Variants in OR9Q1 observed in about 807,000 individuals in gnomAD.
OR9Q1 encodes the protein olfactory receptor 9Q1.
For synonymous variants in OR9Q1, 153 were observed against 148.6 expected (o/e 1.03, Z -0.22); for missense variants, 374 against 378.8 (o/e 0.99, Z 0.11).
intron 2 of OR9Q1, among the ~76,000 whole-genome samples, chr11:58,113,009 G>T (rs558786568): frequency 1.3e-5 from 2 of 152,062 alleles, no homozygotes; most frequent in African/African-American, 2.4e-5. Context: ...AGAGGACCTT[G>T]GTGATGTGGT....
intron 2 of OR9Q1, among the ~76,000 whole-genome samples, chr11:58,141,049 A>G (rs1206087609): frequency 2.0e-5 from 3 of 152,142 alleles, no homozygotes; most frequent in Non-Finnish European, 4.4e-5. Flanking sequence ...CTTTGAAGCA[A>G]TTGTGAATGG....
chr11:58,171,358 C>T (rs1854552950), intron 2 of OR9Q1: 1 of 152,292 alleles, frequency 6.6e-6, no homozygotes, highest in South Asian at 2.1e-4. Context: ...TGGGTGATAG[C>T]TTCCTCCAGC....
intron 1 of OR9Q1, among the ~76,000 whole-genome samples, chr11:58,052,618 G>GAA (rs1491177116): frequency 6.0e-4 from 3 of 5,024 alleles, no homozygotes; most frequent in Non-Finnish European, 1.1e-3. Flanking sequence ...AAGAAAAAAA[G>GAA]GAAAAAAAAA....
chr11:58,037,062 T>A (rs1236924501), intron 1 of OR9Q1, among the ~76,000 whole-genome samples: 1 of 152,142 alleles, frequency 6.6e-6, no homozygotes, highest in African/African-American at 2.4e-5. Context: ...TACAGCAAAC[T>A]TCATTGTTGT....
chr11:58,116,907 A>G (rs986862571), intron 2 of OR9Q1: 3 of 152,272 alleles, frequency 2.0e-5, no homozygotes, highest in Non-Finnish European at 4.4e-5. Context: ...ACTTACAAAT[A>G]CATCCTTTTA....
chr11:58,157,736 T>C (rs1225002983), intron 2 of OR9Q1, among the ~76,000 whole-genome samples: 2 of 152,198 alleles, frequency 1.3e-5, no homozygotes, highest in African/African-American at 4.8e-5. Context: ...TAGAAGCCTC[T>C]ACCAGCAGGT....
intron 1 of OR9Q1, among the ~76,000 whole-genome samples, chr11:58,034,735 T>TTCCCTTCC (rs1853079294): frequency 8.1e-5 from 9 of 111,404 alleles, no homozygotes; most frequent in Non-Finnish European, 1.1e-4. Context: ...GGTTTCTTTC[T>TTCCCTTCC]TTCCTTCCTT....
Position 58,086,532 on chromosome 11 carries a change from G to A in OR9Q1, c.-15+30585G>A, listed in dbSNP as rs561288844. On this transcript the variant is annotated intron_variant, in intron 2 of 2. Coordinates refer to ENST00000335397, the MANE Select transcript of OR9Q1 (RefSeq NM_001005212.4). ...TATATAACCAAAGGAATTGAAATCA[G>A]TATCTTAAAAAAAATCTACCATCCC... Among the ~76,000 whole-genome samples, 96 of 151,606 alleles carry A rather than the reference G, an allele frequency of 6.3e-4. 3 individuals carry two copies. In the South Asian group the frequency reaches 0.019, roughly 30 times the overall value.
rs367662248 is a variant in OR9Q1 at position 58,180,139 on chromosome 11, G to A, written c.695G>A (p.Ser232Asn). The change falls in exon 3 of 3, where the codon AGC becomes AAC. Residue 232 changes from serine to asparagine, a missense_variant. Ser to Asn is a conservative substitution (Grantham distance 46). Transcript: ENST00000335397. ...GCCATCATGGGGATCCCTGCTGGAA[G>A]CCAGGCCAAGACCTTCTCCACCTGC... The part of the protein sequence containing the change: ...IVAIMGIPAG[S>N]QAKTFSTCTS... 78 of 1,613,960 alleles carry A rather than the reference G, an allele frequency of 4.8e-5. 2 individuals are homozygous for A. The East Asian group carries it at 1.1e-3, about 23-fold the overall frequency.
At chr11:58,131,178 A>C (rs1376835000) in intron 2 of OR9Q1, among the ~76,000 whole-genome samples, 1 of 152,152 alleles carries the variant, frequency 6.6e-6, no homozygotes, top group Non-Finnish European at 1.5e-5. Context: ...CCCCTGAGTT[A>C]GGGGATTCAA....
In OR9Q1 at chr11:58,031,805, G is replaced by T. The variant is rs771038385; in HGVS notation, c.-93+7701G>T. 16 of 1,613,982 alleles carry T rather than the reference G, an allele frequency of 9.9e-6. No individual in the cohort carries two copies. In the South Asian group the frequency reaches 1.6e-4, roughly 17 times the overall value. On this transcript the variant is annotated intron_variant, in intron 1 of 2. Coordinates refer to ENST00000335397, the MANE Select transcript of OR9Q1 (RefSeq NM_001005212.4). ...GGTGGTATCTGTCTTCTACTCTGTTGTCACGCCCATGCTCAATCCTCTCAT... is the reference window on the plus strand; with the variant it reads ...GGTGGTATCTGTCTTCTACTCTGTTTTCACGCCCATGCTCAATCCTCTCAT...
intron 2 of OR9Q1, among the ~76,000 whole-genome samples, chr11:58,134,657 G>A (rs763623306): frequency 1.3e-5 from 2 of 152,166 alleles, no homozygotes; most frequent in Admixed American, 1.3e-4. Flanking sequence ...TTACAGGATT[G>A]CAAAATGAGG....
At chr11:58,067,471 C>G (rs1488761174) in intron 2 of OR9Q1, among the ~76,000 whole-genome samples, 1 of 152,182 alleles carries the variant, frequency 6.6e-6, no homozygotes, top group Non-Finnish European at 1.5e-5. Context: ...TTTGCAAACT[C>G]TATTTCAATG....
rs572285441 is a variant in OR9Q1, at chr11:58,025,655, T to G, written c.-93+1551T>G. ...ACTTGTCTCTGATGACTTCAATGAT[T>G]CCATCAGATATTCATTCCGTTGGGT... On this transcript the variant is annotated intron_variant, in intron 1 of 2. Transcript: ENST00000335397. Among the ~76,000 whole-genome samples, 23 of 152,326 alleles carry G rather than the reference T, an allele frequency of 1.5e-4. No individual in the cohort carries two copies. The East Asian group carries it at 4.1e-3, about 27-fold the overall frequency.
chr11:58,104,689 T>C (rs1853823285), intron 2 of OR9Q1, among the ~76,000 whole-genome samples: 1 of 152,170 alleles, frequency 6.6e-6, no homozygotes, highest in Non-Finnish European at 1.5e-5. Flanking sequence ...CTCCTTTTAG[T>C]GAGGCAGGAC....
chr11:58,038,670 A>G (rs1300063130), intron 1 of OR9Q1, among the ~76,000 whole-genome samples: 3 of 152,192 alleles, frequency 2.0e-5, no homozygotes, highest in Admixed American at 2.0e-4. Flanking sequence ...CTACACTTTG[A>G]AATCAGAACC....
At chr11:58,152,030 G>T (rs1168289126) in intron 2 of OR9Q1, among the ~76,000 whole-genome samples, 4 of 152,138 alleles carry the variant, frequency 2.6e-5, no homozygotes, top group African/African-American at 7.2e-5. Context: ...GCTCTGACAG[G>T]CCATGGGGAA....
chr11:58,107,032 C>T (rs1466801016), intron 2 of OR9Q1, among the ~76,000 whole-genome samples: 1 of 152,080 alleles, frequency 6.6e-6, no homozygotes, highest in African/African-American at 2.4e-5. Flanking sequence ...ATGGGAATAG[C>T]ATTAAATTTG....
intron 2 of OR9Q1, among the ~76,000 whole-genome samples, chr11:58,067,647 A>T (rs1337414301): frequency 6.6e-6 from 1 of 152,204 alleles, no homozygotes; most frequent in African/African-American, 2.4e-5. Context: ...ACAGTGGTAC[A>T]GTGTACAAAG....
Sources: gnomAD v4.1 joint callset for allele counts (sites outside exome capture counted in the v4.1 genomes callset) on GRCh38, gnomAD v4.1.1 for gene constraint, MANE v1.5 for transcripts, NCBI Gene and HGNC (gene_info 2026-07-23, HGNC 2026-07-21) for gene names.